BICC1: variants seen among roughly 807,000 people sequenced by gnomAD.
The protein encoded by BICC1 is protein bicaudal C homolog 1.
In BICC1, 43 loss-of-function variants were observed where a neutral mutation model predicts 111.0. The observed-to-expected ratio is 0.39, with a 90% CI of 0.30 to 0.50. BICC1 has a LOEUF of 0.50. Ranked by LOEUF, BICC1 falls within the 20% of genes least tolerant of loss-of-function variation. The pLI is 0.88. For missense variants in BICC1, 1,091 were observed against 1,203.2 expected (o/e 0.91, Z 1.38); for synonymous variants, 467 against 434.4 (o/e 1.07, Z -0.93).
intron 3 of BICC1, among the ~76,000 whole-genome samples, chr10:58,763,105 A>T (rs931863587): frequency 6.6e-6 from 1 of 152,232 alleles, no homozygotes; most frequent in African/African-American, 2.4e-5. Flanking sequence ...GATTTGCTTC[A>T]TAATTCTCAG....
At chr10:58,679,444 G>T (rs189841720) in intron 2 of BICC1, among the ~76,000 whole-genome samples, 332 of 152,226 alleles carry the variant, frequency 2.2e-3, no homozygotes, top group African/African-American at 7.4e-3. Context: ...AGAAGAAATG[G>T]ATAAATTCCT....
At chr10:58,640,601 A>G (rs1202101608) in intron 2 of BICC1, among the ~76,000 whole-genome samples, 30 of 152,230 alleles carry the variant, frequency 2.0e-4, no homozygotes, top group Admixed American at 2.0e-3. Flanking sequence ...ATACTCAATT[A>G]ACTGTGCATT....
intron 2 of BICC1, among the ~76,000 whole-genome samples, chr10:58,646,059 C>T (rs1330102107): frequency 6.6e-6 from 1 of 150,716 alleles, no homozygotes; most frequent in Admixed American, 6.6e-5. Context: ...ATTAGATTTG[C>T]AATGCTTTTT....
rs749907528 is a variant in BICC1 at position 58,817,624 on chromosome 10, G to A, written c.2596G>A (p.Gly866Ser). The A allele has an allele frequency of 1.2e-6, 2 of 1,613,612 alleles. No individual in the cohort carries two copies. The highest frequency in any genetic ancestry group is 1.7e-6 in the Non-Finnish European group (2 of 1,179,672). Residue 866 changes from glycine to serine, a missense_variant, in exon 19 of 21, where the codon GGC becomes AGC. Transcript: ENST00000373886. ...CATTTCCTCGCTGACAGGAAGCAAT[G>A]GCTGTAACTTAAATAGCTCTTTCAA... ...DCISSLTGSN[G>S]CNLNSSFKGS...
rs572080763 is a variant in BICC1, at chr10:58,696,384, A to G, written c.238-5690A>G. Among the ~76,000 whole-genome samples the G allele has an allele frequency of 2.8e-4, 42 of 152,264 alleles. 1 individual carries two copies. In the South Asian group the frequency reaches 8.3e-3, roughly 30 times the overall value. ...CAACAATCTTAATTTTAATTGTTTC[A>G]TATATTTTAAAATTGATATTCTTTG... On this transcript the variant is annotated intron_variant, in intron 2 of 20. Coordinates refer to ENST00000373886, the MANE Select transcript of BICC1 (RefSeq NM_001080512.3).
At chr10:58,579,338 A>C (rs4948523) in intron 1 of BICC1, among the ~76,000 whole-genome samples, 77,386 of 152,088 alleles carry the variant, frequency 0.51, 19,961 homozygotes, top group Admixed American at 0.65. Flanking sequence ...TACGTAAGTA[A>C]AATTAAATAT....
At chr10:58,769,922 A>G (rs966847693) in intron 3 of BICC1, among the ~76,000 whole-genome samples, 1 of 152,146 alleles carries the variant, frequency 6.6e-6, no homozygotes, top group Non-Finnish European at 1.5e-5. Context: ...ACTGATTAGC[A>G]TGAACATTTG....
chr10:58,716,247 T>C, intron 3 of BICC1: 7 of 1,495,416 alleles, frequency 4.7e-6, no homozygotes, highest in Non-Finnish European at 5.4e-6. Context: ...AGAAACACAG[T>C]AAGAAGAAAA....
At chr10:58,594,529 C>T (rs765654817) in intron 1 of BICC1, among the ~76,000 whole-genome samples, 38 of 152,196 alleles carry the variant, frequency 2.5e-4, no homozygotes, top group Admixed American at 1.3e-3. Context: ...CGGATCTCTC[C>T]GTAGAAACCC....
chr10:58,683,120 C>G (rs1839592386), intron 2 of BICC1, among the ~76,000 whole-genome samples: 1 of 152,200 alleles, frequency 6.6e-6, no homozygotes, highest in Non-Finnish European at 1.5e-5. Flanking sequence ...GTTTTCCCAG[C>G]ACCATTTATT....
At chr10:58,793,125 G>T (rs1178911810) in intron 8 of BICC1, among the ~76,000 whole-genome samples, 2 of 152,154 alleles carry the variant, frequency 1.3e-5, no homozygotes, top group Non-Finnish European at 2.9e-5. Context: ...AAGTCATTGA[G>T]CAAAGGCAAA....
intron 1 of BICC1, among the ~76,000 whole-genome samples, chr10:58,543,491 A>G (rs956120775): frequency 6.6e-6 from 1 of 152,066 alleles, no homozygotes; most frequent in Non-Finnish European, 1.5e-5. Flanking sequence ...AATGGTTAAA[A>G]TGGTAAATTT....
intron 3 of BICC1, among the ~76,000 whole-genome samples, chr10:58,779,157 G>A (rs1005239571): frequency 6.6e-6 from 1 of 152,160 alleles, no homozygotes; most frequent in African/African-American, 2.4e-5. Context: ...TAAAATATGG[G>A]CAGTGGCCAG....
At chr10:58,639,295 G>C (rs1838046735) in intron 2 of BICC1, among the ~76,000 whole-genome samples, 1 of 152,058 alleles carries the variant, frequency 6.6e-6, no homozygotes, top group Non-Finnish European at 1.5e-5. Context: ...TTCAATGTGA[G>C]ATTTATGTAG....
chr10:58,688,119 C>G (rs1397651263), intron 2 of BICC1, among the ~76,000 whole-genome samples: 1 of 152,000 alleles, frequency 6.6e-6, no homozygotes, highest in Admixed American at 6.6e-5. Context: ...TTAAAGTTAG[C>G]GTGGACCCAA....
At chr10:58,680,281 A>AC (rs753062146) in intron 2 of BICC1, among the ~76,000 whole-genome samples, 17 of 152,150 alleles carry the variant, frequency 1.1e-4, no homozygotes, top group Non-Finnish European at 1.9e-4. Flanking sequence ...GTATATTTGG[A>AC]AAACCCCGTC....
At chr10:58,648,640 T>A (rs1838344766) in intron 2 of BICC1, 1 of 985,014 alleles carries the variant, frequency 1.0e-6, no homozygotes, top group Admixed American at 6.2e-5. Flanking sequence ...ACACAGAGGA[T>A]CTCATATCTT....
At chr10:58,687,368 G>C (rs939211302) in intron 2 of BICC1, among the ~76,000 whole-genome samples, 19 of 152,228 alleles carry the variant, frequency 1.2e-4, no homozygotes, top group African/African-American at 4.6e-4. Flanking sequence ...GAAACTCCAT[G>C]CTGGGAGAAC....
intron 1 of BICC1, among the ~76,000 whole-genome samples, chr10:58,525,870 T>G (rs1842526179): frequency 6.6e-6 from 1 of 151,456 alleles, no homozygotes; most frequent in Non-Finnish European, 1.5e-5. Flanking sequence ...TATTTTAATC[T>G]ATTAAATGTT....
Sources: gnomAD v4.1 joint callset for allele counts (sites outside exome capture counted in the v4.1 genomes callset) on GRCh38, gnomAD v4.1.1 for gene constraint, MANE v1.5 for transcripts, NCBI Gene and HGNC (gene_info 2026-07-23, HGNC 2026-07-21) for gene names.